PEAK1: variants seen among roughly 807,000 people sequenced by gnomAD.
PEAK1 encodes pseudopodium enriched atypical kinase 1.
A neutral mutation model predicts 124.7 loss-of-function variants in PEAK1; 54 were observed. The ratio of observed to expected loss-of-function variants is 0.43; its 90% CI spans 0.35 to 0.54. The LOEUF (loss-of-function observed/expected upper bound fraction) is 0.54, where lower values mean the gene tolerates loss of function less well. Ranked by LOEUF, PEAK1 falls within the 20% of genes least tolerant of loss-of-function variation. PEAK1 has a pLI of 0.01. For synonymous variants in PEAK1, 719 were observed against 760.0 expected (o/e 0.95, Z 0.89); for missense variants, 2,046 against 2,134.5 (o/e 0.96, Z 0.82).
At chr15:77,292,514 T>C (rs1371270423) in intron 2 of PEAK1, among the ~76,000 whole-genome samples, 1 of 148,636 alleles carries the variant, frequency 6.7e-6, no homozygotes, top group Non-Finnish European at 1.5e-5. Context: ...ACAGAAAATG[T>C]GAAAAATGTG....
chr15:77,298,007 G>A (rs1464559101), intron 2 of PEAK1, among the ~76,000 whole-genome samples: 3 of 128,512 alleles, frequency 2.3e-5, no homozygotes, highest in East Asian at 4.8e-4. Flanking sequence ...GCAGTGAGCC[G>A]AGATTGCGCC....
rs1045194374 is a variant in PEAK1 at position 77,168,914 on chromosome 15, C to T, written c.3137+9876G>A. On this transcript the variant is annotated intron_variant, in intron 7 of 9. Coordinates refer to ENST00000682557, the MANE Select transcript of PEAK1 (RefSeq NM_001385026.1). ...TACATCGTATCCCAGATGTACATGCCGGGGGTCTTTGCTAATTAGCAGCAT... is the reference window on the plus strand; with the variant it reads ...TACATCGTATCCCAGATGTACATGCTGGGGGTCTTTGCTAATTAGCAGCAT... Among the ~76,000 whole-genome samples the T allele has an allele frequency of 2.6e-5, 4 of 152,130 alleles. No individual in the cohort carries two copies. In the East Asian group the frequency reaches 7.7e-4, roughly 29 times the overall value.
intron 2 of PEAK1, among the ~76,000 whole-genome samples, chr15:77,293,301 TTTCCTGG>T: frequency 6.6e-6 from 1 of 152,342 alleles, no homozygotes; most frequent in East Asian, 1.9e-4. Context: ...ATATTCTTCA[TTTCCTGG>T]TACCCATGTA....
intron 6 of PEAK1, among the ~76,000 whole-genome samples, chr15:77,216,884 C>A (rs573246679): frequency 6.6e-6 from 1 of 152,184 alleles, no homozygotes; most frequent in South Asian, 2.1e-4. Context: ...GATCCTGAAG[C>A]GTTTCTTCGA....
intron 2 of PEAK1, among the ~76,000 whole-genome samples, chr15:77,288,630 T>C (rs1190416976): frequency 2.6e-5 from 4 of 152,194 alleles, no homozygotes; most frequent in East Asian, 1.9e-4. Flanking sequence ...GTTCAGATTG[T>C]TGAAGAGAAG....
intron 2 of PEAK1, among the ~76,000 whole-genome samples, chr15:77,311,882 T>C (rs1343717596): frequency 6.6e-6 from 1 of 151,950 alleles, no homozygotes; most frequent in African/African-American, 2.4e-5. Context: ...CACTAGAGAC[T>C]ATGCAGAGCC....
At chr15:77,214,317 A>T (rs866050044) in intron 6 of PEAK1, among the ~76,000 whole-genome samples, 23 of 152,012 alleles carry the variant, frequency 1.5e-4, no homozygotes, top group Admixed American at 5.2e-4. Context: ...TGGGTAATTT[A>T]TAAAGAAAAG....
At chr15:77,165,200 CTT>C (rs953922841) in intron 7 of PEAK1, among the ~76,000 whole-genome samples, 25 of 131,372 alleles carry the variant, frequency 1.9e-4, no homozygotes, top group Admixed American at 3.1e-4. Context: ...TACGCCTGGC[CTT>C]TTTTTTTTTT....
intron 1 of PEAK1, among the ~76,000 whole-genome samples, chr15:77,393,724 C>A (rs536962642): frequency 6.6e-6 from 1 of 152,182 alleles, no homozygotes; most frequent in Non-Finnish European, 1.5e-5. Flanking sequence ...CAAGGAGAGA[C>A]TCCTTCTGCT....
At position 77,178,846 on chromosome 15, in the gene PEAK1, G is replaced by A. The variant is rs1567070126; in HGVS notation, c.3081C>T (p.Asp1027=). The change falls in exon 7 of 10, where the codon GAC becomes GAT. Residue 1027 remains aspartate, a synonymous_variant. Transcript: ENST00000682557. ...AAGAATGACTCCTCTTCTTCTCTGA[G>A]TCCTGTAGTAATGCATTCTCTGCTC... ...KGRAENALLQ[D]SEKKRSHSSP... 6.2e-7 allele frequency: 1 copy of A among 1,614,048 alleles called. No homozygotes were observed. Among genetic ancestry groups the A allele is most frequent in the Non-Finnish European group, 8.5e-7 (1 of 1,179,966 alleles).
chr15:77,197,905 G>T (rs553948186), intron 6 of PEAK1, among the ~76,000 whole-genome samples: 1 of 151,652 alleles, frequency 6.6e-6, no homozygotes, highest in Admixed American at 6.6e-5. Context: ...GATAAAACTC[G>T]CAGACAAACC....
At position 77,181,414 on chromosome 15, in the gene PEAK1, G is replaced by C; in HGVS notation, c.513C>G (p.Asn171Lys). ...TTCTTCCCAAGAATGTTTCTCTGGA[G>C]TTTGTTTCATTTCCTCTTATCTGAG... The part of the protein sequence containing the change: ...TAPQIRGNET[N>K]SRETFLGRIN... The change falls in exon 7 of 10, where the codon AAC becomes AAG. Residue 171 changes from asparagine to lysine, a missense_variant. By Grantham distance (94) the Asn-to-Lys change is moderately conservative (BLOSUM62 0). Transcript: ENST00000682557. The C allele has an allele frequency of 1.2e-6, 2 of 1,614,130 alleles. No individual in the cohort carries two copies. The highest frequency in any genetic ancestry group is 1.7e-6 in the Non-Finnish European group (2 of 1,180,018).
intron 6 of PEAK1, among the ~76,000 whole-genome samples, chr15:77,251,301 C>A (rs1258715068): frequency 6.6e-6 from 1 of 152,160 alleles, no homozygotes; most frequent in Non-Finnish European, 1.5e-5. Flanking sequence ...TTCTACACTA[C>A]TTGAAATCAA....
intron 2 of PEAK1, among the ~76,000 whole-genome samples, chr15:77,355,373 A>T (rs1274699981): frequency 6.6e-6 from 1 of 152,234 alleles, no homozygotes; most frequent in Non-Finnish European, 1.5e-5. Context: ...TACATGAAAG[A>T]TGCAATAAAA....
intron 2 of PEAK1, among the ~76,000 whole-genome samples, chr15:77,344,810 T>C (rs1268472866): frequency 1.3e-5 from 2 of 152,230 alleles, no homozygotes; most frequent in Non-Finnish European, 2.9e-5. Flanking sequence ...TTCTTTTTGA[T>C]AGAATTGTTT....
intron 1 of PEAK1, chr15:77,370,594 C>T (rs2068569965): frequency 1.6e-6 from 1 of 634,616 alleles, no homozygotes; most frequent in Non-Finnish European, 2.0e-6. Context: ...AGAGAATGCC[C>T]TCAATTTCTA....
At chr15:77,396,154 G>T (rs539800268) in intron 1 of PEAK1, among the ~76,000 whole-genome samples, 4 of 151,936 alleles carry the variant, frequency 2.6e-5, no homozygotes, top group Non-Finnish European at 5.9e-5. Flanking sequence ...AAAATAATGG[G>T]TTATTTAAAA....
intron 2 of PEAK1, chr15:77,350,340 A>G: frequency 2.0e-6 from 2 of 985,432 alleles, no homozygotes; most frequent in Non-Finnish European, 2.4e-6. Flanking sequence ...ATGGCCAGAG[A>G]GTATCATCAA....
intron 6 of PEAK1, among the ~76,000 whole-genome samples, chr15:77,191,495 A>G (rs2057832126): frequency 6.6e-6 from 1 of 152,152 alleles, no homozygotes; most frequent in Non-Finnish European, 1.5e-5. Flanking sequence ...TTCAGTTATC[A>G]TGGATGATTT....
Sources: gnomAD v4.1 joint callset for allele counts (sites outside exome capture counted in the v4.1 genomes callset) on GRCh38, gnomAD v4.1.1 for gene constraint, MANE v1.5 for transcripts, NCBI Gene and HGNC (gene_info 2026-07-23, HGNC 2026-07-21) for gene names.